PRELID2: variants seen among roughly 807,000 people sequenced by gnomAD.
The protein encoded by PRELID2 is PRELI domain containing 2, also known as PRELI domain-containing protein 2.
PRELID2 carries 25 observed loss-of-function variants against 28.4 expected under a neutral mutation model. The ratio of observed to expected loss-of-function variants is 0.88; its 90% confidence interval spans 0.64 to 1.23. PRELID2 has a LOEUF of 1.23. Ranked by LOEUF, PRELID2 falls within the 50% of genes most tolerant of loss-of-function variation. The pLI is 0.00. For synonymous variants in PRELID2, 76 were observed against 71.6 expected (o/e 1.06, Z -0.31); for missense variants, 201 against 214.4 (o/e 0.94, Z 0.39).
At chr5:145,387,483 G>A in the PRELID2 span, among the ~76,000 whole-genome samples, 4 of 152,130 alleles carry the variant, frequency 2.6e-5, no homozygotes, top group Admixed American at 6.6e-5. Flanking sequence ...ACCCAGGGAT[G>A]TTAGAACTTG....
At chr5:145,281,461 G>A in the PRELID2 span, among the ~76,000 whole-genome samples, 5 of 152,182 alleles carry the variant, frequency 3.3e-5, no homozygotes, top group Non-Finnish European at 7.3e-5. Context: ...TTTAAGCAGT[G>A]CATGCTAGAA....
At chr5:145,361,892 C>A in the PRELID2 span, among the ~76,000 whole-genome samples, 1 of 152,056 alleles carries the variant, frequency 6.6e-6, no homozygotes, top group Non-Finnish European at 1.5e-5. Flanking sequence ...TCCCAGATTT[C>A]GGTTGAAAGT....
intron 1 of PRELID2, among the ~76,000 whole-genome samples, chr5:145,510,459 G>T (rs1752451574): frequency 6.6e-6 from 1 of 152,198 alleles, no homozygotes; most frequent in Admixed American, 6.5e-5. Flanking sequence ...AGAGGCCTCA[G>T]AGGGGGAGGC....
chr5:145,686,578 G>A lies in PRELID2; in HGVS notation n.70+78353C>T, dbSNP rs1755042065. 3.9e-5 allele frequency among the ~76,000 whole-genome samples: 6 copies of A among 152,218 alleles called. No homozygotes were observed. The South Asian group carries it at 1.0e-3, about 26-fold the overall frequency. On this transcript the variant is annotated intron_variant and non_coding_transcript_variant, in intron 1 of 2. Coordinates refer to the PRELID2 transcript ENST00000510259. ...CTGTGAAAAGGCAGAGTCCATTTAG[G>A]GTTAGTTTGAAGACTATTTGTGTGC...
rs545371695 is a variant in PRELID2, at chr5:145,758,152, T to TA, written c.*2383dup. Among the ~76,000 whole-genome samples, 16 of 152,088 alleles carry TA rather than the reference T, an allele frequency of 1.1e-4. No individual in the cohort carries two copies. In the East Asian group the frequency reaches 2.9e-3, roughly 28 times the overall value. ...TAAACAATTCTGAATTGGTTGCCAA[T>TA]AAAAAACTAGGAGATTTTTTTTTTA... On this transcript the variant is annotated 3_prime_UTR_variant, in exon 7 of 7. Coordinates refer to ENST00000683046, the MANE Select transcript of PRELID2 (RefSeq NM_205846.3).
At chr5:145,808,720 CA>C (rs1216048878) in intron 4 of PRELID2, among the ~76,000 whole-genome samples, 1 of 150,958 alleles carries the variant, frequency 6.6e-6, no homozygotes, top group Non-Finnish European at 1.5e-5. Flanking sequence ...CCTGTCTCTA[CA>C]AAAAAGAAAA....
rs111719466 is a variant in PRELID2 at position 145,694,166 on chromosome 5, C to T, written n.70+70765G>A. Among the ~76,000 whole-genome samples, 1,253 of 152,008 alleles carry T rather than the reference C, an allele frequency of 8.2e-3. 14 individuals carry two copies. Among genetic ancestry groups the T allele is most frequent in the African/African-American group, 0.028 (1,178 of 41,442 alleles). On this transcript the variant is annotated intron_variant and non_coding_transcript_variant, in intron 1 of 2. Coordinates refer to the PRELID2 transcript ENST00000510259. ...ACACACAAATAAAGTACTTAGTACC[C>T]GAAACATAGTAAGTGCAACAAAACT...
At chr5:145,559,992 C>G (rs563809718) in intron 1 of PRELID2, among the ~76,000 whole-genome samples, 1 of 152,098 alleles carries the variant, frequency 6.6e-6, no homozygotes, top group South Asian at 2.1e-4. Flanking sequence ...TTTAACCTAC[C>G]AAACATAGCT....
At chr5:145,819,454 A>C (rs1455558297) in intron 3 of PRELID2, 1 of 1,295,936 alleles carries the variant, frequency 7.7e-7, no homozygotes, top group Non-Finnish European at 1.1e-6. Context: ...TGAAGATTTC[A>C]TCATCAATGA....
chr5:145,680,447 T>C (rs1754910105), intron 1 of PRELID2, among the ~76,000 whole-genome samples: 2 of 152,324 alleles, frequency 1.3e-5, no homozygotes, highest in African/African-American at 4.8e-5. Flanking sequence ...CTGGAATAAA[T>C]CAGGCTTCTC....
chr5:145,416,062 G>T, the PRELID2 span, among the ~76,000 whole-genome samples: 2 of 151,836 alleles, frequency 1.3e-5, no homozygotes, highest in East Asian at 3.9e-4. Flanking sequence ...TGTGTCTTTT[G>T]GCTGCATAAA....
chr5:145,467,749 C>T (rs901874992), downstream of PRELID2, among the ~76,000 whole-genome samples: 4 of 148,416 alleles, frequency 2.7e-5, no homozygotes, highest in East Asian at 3.9e-4. Context: ...ATCATTCTAC[C>T]GCCTGACTTT....
chr5:145,642,215 C>A (rs533820610), intron 1 of PRELID2, among the ~76,000 whole-genome samples: 1 of 152,082 alleles, frequency 6.6e-6, no homozygotes, highest in Non-Finnish European at 1.5e-5. Flanking sequence ...TTCTAACTGG[C>A]GTGAGATGGT....
intron 1 of PRELID2, among the ~76,000 whole-genome samples, chr5:145,702,009 C>T (rs554781248): frequency 1.1e-3 from 168 of 152,006 alleles, no homozygotes; most frequent in African/African-American, 4.0e-3. Context: ...TGAGATCATG[C>T]CATTGCACTC....
intron 1 of PRELID2, among the ~76,000 whole-genome samples, chr5:145,554,946 A>G (rs1752867405): frequency 1.3e-5 from 2 of 152,252 alleles, no homozygotes; most frequent in Non-Finnish European, 2.9e-5. Flanking sequence ...TTGTCCGTAT[A>G]TATATTAATA....
intron 4 of PRELID2, among the ~76,000 whole-genome samples, chr5:145,804,847 C>T (rs1243001663): frequency 6.6e-6 from 1 of 152,144 alleles, no homozygotes; most frequent in East Asian, 1.9e-4. Flanking sequence ...CTTCAAATTA[C>T]ACAATGGTTT....
intron 5 of PRELID2, among the ~76,000 whole-genome samples, chr5:145,778,318 C>T (rs1363176863): frequency 6.6e-6 from 1 of 152,126 alleles, no homozygotes; most frequent in Non-Finnish European, 1.5e-5. Flanking sequence ...GACGACTGGA[C>T]GACCTGCCTG....
At chr5:145,246,137 G>A in the PRELID2 span, among the ~76,000 whole-genome samples, 12,740 of 151,972 alleles carry the variant, frequency 0.084, 1,169 homozygotes, top group African/African-American at 0.23. Context: ...GTAAATGGGA[G>A]GATCAATGAA....
At chr5:145,622,316 T>C (rs1423335748) in intron 1 of PRELID2, among the ~76,000 whole-genome samples, 1 of 152,106 alleles carries the variant, frequency 6.6e-6, no homozygotes, top group East Asian at 1.9e-4. Flanking sequence ...AATAGGTAAA[T>C]TGTATGATAT....
Sources: allele counts gnomAD v4.1 joint callset (sites outside exome capture counted in the v4.1 genomes callset), GRCh38; gene constraint gnomAD v4.1.1; transcripts MANE v1.5; gene names NCBI Gene and HGNC (gene_info 2026-07-23, HGNC 2026-07-21).